The following AKAP13 variants were observed in gnomAD, a reference collection of about 807,000 sequenced individuals.
AKAP13 encodes A-kinase anchor protein 13.
In AKAP13, 80 loss-of-function variants were observed where a neutral mutation model predicts 264.5. The observed-to-expected ratio is 0.30, with a 90% CI of 0.25 to 0.36. The LOEUF (loss-of-function observed/expected upper bound fraction) is 0.36, where lower values mean the gene tolerates loss of function less well. AKAP13 is among the 10% of genes least tolerant of loss of function. The pLI is 1.00. For synonymous variants in AKAP13, 1,380 were observed against 1,250.2 expected, an observed-to-expected ratio of 1.10 and a Z score of -2.19; for missense variants, 3,712 against 3,435.2, an observed-to-expected ratio of 1.08 and a Z score of -2.01.
At chr15:85,443,772 AGT>A (rs34514718) in intron 1 of AKAP13, among the ~76,000 whole-genome samples, 56,209 of 145,740 alleles carry the variant, frequency 0.39, 10,843 homozygotes, top group Middle Eastern at 0.45. Flanking sequence ...AAAAAAAAAA[AGT>A]GTGTGTGTGT....
At chr15:85,734,779 C>G (rs1292437284) in intron 30 of AKAP13, among the ~76,000 whole-genome samples, 1 of 152,184 alleles carries the variant, frequency 6.6e-6, no homozygotes, top group Non-Finnish European at 1.5e-5. Context: ...AGGCCTCTTG[C>G]ATATAAAGTG....
rs1175114292 is a variant in AKAP13 at position 85,741,302 on chromosome 15, G to A, written c.7865G>A (p.Arg2622His). Residue 2622 changes from arginine (R) to histidine (H), a missense_variant, in exon 35 of 37, where the codon CGC (arginine) becomes CAC (histidine). Arg to His is a conservative substitution (Grantham distance 29). Transcript: ENST00000394518. ...LREREALLAQ[R>H]EEEVQQGQQD... ...GAGCGGGAGGCCCTCCTGGCCCAGC[G>A]CGAGGAGGAGGTGCAGCAGGGGCAG... 5 of 1,611,860 alleles carry A rather than the reference G, an allele frequency of 3.1e-6. No homozygotes were observed. The highest frequency in any genetic ancestry group is 2.7e-5 in the African/African-American group (2 of 74,900).
intron 5 of AKAP13, among the ~76,000 whole-genome samples, chr15:85,563,497 A>G (rs1346860950): frequency 6.6e-6 from 1 of 152,092 alleles, no homozygotes; most frequent in Non-Finnish European, 1.5e-5. Context: ...GAAATGTTCT[A>G]CTTGGAAGGA....
intron 10 of AKAP13, among the ~76,000 whole-genome samples, chr15:85,653,675 ATAAT>A (rs1300228907): frequency 1.3e-5 from 2 of 152,172 alleles, no homozygotes; most frequent in East Asian, 3.8e-4. Context: ...TTGAAGAACC[ATAAT>A]TTTTTTTTAC....
intron 17 of AKAP13, among the ~76,000 whole-genome samples, chr15:85,704,728 T>C (rs144642155): frequency 6.4e-4 from 98 of 152,366 alleles, no homozygotes; most frequent in African/African-American, 2.3e-3. Flanking sequence ...CAGATAATTA[T>C]TTTCTGATCT....
At chr15:85,545,247 C>A (rs1320261875) in intron 5 of AKAP13, among the ~76,000 whole-genome samples, 1 of 152,170 alleles carries the variant, frequency 6.6e-6, no homozygotes, top group Non-Finnish European at 1.5e-5. Flanking sequence ...GGAAGAGAGG[C>A]CTTGTTTCAG....
intron 5 of AKAP13, among the ~76,000 whole-genome samples, chr15:85,551,328 A>G (rs1046602669): frequency 1.3e-5 from 2 of 152,344 alleles, no homozygotes; most frequent in South Asian, 4.1e-4. Flanking sequence ...AGAGCAATTT[A>G]TTGTATTCGT....
intron 1 of AKAP13, among the ~76,000 whole-genome samples, chr15:85,443,759 G>T (rs1236126681): frequency 3.6e-5 from 4 of 111,496 alleles, no homozygotes; most frequent in African/African-American, 1.1e-4. Context: ...CTGGTTTCAT[G>T]TAAAAAAAAA....
intron 1 of AKAP13, among the ~76,000 whole-genome samples, chr15:85,458,856 T>C (rs1206386189): frequency 6.6e-6 from 1 of 152,204 alleles, no homozygotes; most frequent in Non-Finnish European, 1.5e-5. Context: ...GCTGGAATAG[T>C]CTCCTCCTTA....
At chr15:85,388,135 A>G (rs571726539) in intron 1 of AKAP13, among the ~76,000 whole-genome samples, 4 of 151,788 alleles carry the variant, frequency 2.6e-5, no homozygotes, top group African/African-American at 9.7e-5. Context: ...CCCCAGGTTC[A>G]AGTGATTCTC....
In AKAP13 at chr15:85,745,071, C is replaced by G. The variant is rs1299806945; in HGVS notation, c.*394C>G. 1 of 171,420 alleles carries G rather than the reference C, an allele frequency of 5.8e-6. No individual in the cohort carries two copies. The highest frequency in any genetic ancestry group is 1.3e-5 in the Non-Finnish European group (1 of 79,254). 10.6% of individuals were successfully genotyped at this position (171,420 alleles called of 1,614,324 possible). A position where few individuals can be genotyped will look rare whatever the true frequency, so the allele number is the denominator to read the frequency against. On this transcript the variant is annotated 3_prime_UTR_variant, in exon 37 of 37. Coordinates refer to ENST00000394518, the MANE Select transcript of AKAP13 (RefSeq NM_007200.5). Reference sequence around the variant, plus strand: ...TTTGGGGGAACACAAAACCAAACAGCAGATGTTTTGGACTTGATCTGTGTA... The same window carrying G: ...TTTGGGGGAACACAAAACCAAACAGGAGATGTTTTGGACTTGATCTGTGTA...
intron 8 of AKAP13, among the ~76,000 whole-genome samples, chr15:85,601,954 A>T (rs1229068426): frequency 6.6e-6 from 1 of 152,094 alleles, no homozygotes; most frequent in Non-Finnish European, 1.5e-5. Flanking sequence ...TTCTGACTTA[A>T]TATAAAATAT....
rs369165904 is a variant in AKAP13, at chr15:85,530,387, T to G, written c.182-3197T>G. Reference sequence around the variant, plus strand: ...ACTTTTAGTGGTATTGTGACTCCCTTTCTGATTCAAGGGTTCAGGTTTCTC... The same window carrying G: ...ACTTTTAGTGGTATTGTGACTCCCTGTCTGATTCAAGGGTTCAGGTTTCTC... On this transcript the variant is annotated intron_variant, in intron 3 of 36. Transcript: ENST00000394518. Among the ~76,000 whole-genome samples the G allele has an allele frequency of 5.9e-5, 9 of 152,196 alleles. No homozygotes were observed. In the East Asian group the frequency reaches 9.6e-4, roughly 16 times the overall value.
intron 8 of AKAP13, among the ~76,000 whole-genome samples, chr15:85,609,205 G>A (rs771101715): frequency 4.6e-5 from 7 of 152,088 alleles, no homozygotes; most frequent in Non-Finnish European, 1.0e-4. Context: ...TCGGTGTGAT[G>A]GAATACTACA....
intron 1 of AKAP13, among the ~76,000 whole-genome samples, chr15:85,460,707 G>A (rs1251390984): frequency 6.6e-6 from 1 of 152,184 alleles, no homozygotes; most frequent in Non-Finnish European, 1.5e-5. Flanking sequence ...CTTGCCTGTG[G>A]GCAGAGAGAG....
At chr15:85,602,758 G>A (rs2080147014) in intron 8 of AKAP13, among the ~76,000 whole-genome samples, 1 of 152,186 alleles carries the variant, frequency 6.6e-6, no homozygotes, top group Non-Finnish European at 1.5e-5. Flanking sequence ...AAAGTGCTGG[G>A]ATTACAGGCG....
intron 8 of AKAP13, chr15:85,619,217 G>C (rs940900093): frequency 7.8e-6 from 2 of 257,322 alleles, no homozygotes; most frequent in Non-Finnish European, 1.2e-5. Context: ...TCTTCGTCTC[G>C]GTAGATGAAT....
intron 10 of AKAP13, among the ~76,000 whole-genome samples, chr15:85,650,587 C>A (rs1373366839): frequency 1.3e-5 from 2 of 151,110 alleles, no homozygotes; most frequent in African/African-American, 4.9e-5. Flanking sequence ...GAAACCCCAT[C>A]TCTATTAAAA....
intron 1 of AKAP13, among the ~76,000 whole-genome samples, chr15:85,474,546 T>C (rs994998089): frequency 1.8e-4 from 27 of 152,216 alleles, no homozygotes; most frequent in African/African-American, 6.3e-4. Context: ...AAATTCCCCA[T>C]TAGAAATAAA....
Sources: allele counts gnomAD v4.1 joint callset (sites outside exome capture counted in the v4.1 genomes callset), GRCh38; gene constraint gnomAD v4.1.1; transcripts MANE v1.5; gene names NCBI Gene and HGNC (gene_info 2026-07-23, HGNC 2026-07-21).